The following PAM variants were observed in gnomAD, a reference collection of about 807,000 sequenced individuals.
PAM encodes the protein peptidylglycine alpha-amidating monooxygenase.
A neutral mutation model predicts 122.1 loss-of-function variants in PAM; 72 were observed. The ratio of observed to expected loss-of-function variants is 0.59; its 90% CI spans 0.49 to 0.72. PAM has a LOEUF of 0.72. Among genes scored for constraint, PAM ranks in the 30% least tolerant of loss-of-function variants. PAM has a pLI of 0.00. For missense variants in PAM, 1,106 were observed against 1,183.7 expected, an observed-to-expected ratio of 0.93 and a Z score of 0.96; for synonymous variants, 389 against 404.4, an observed-to-expected ratio of 0.96 and a Z score of 0.46.
chr5:102,907,718 G>A (rs1800009165), intron 4 of PAM, among the ~76,000 whole-genome samples: 1 of 151,964 alleles, frequency 6.6e-6, no homozygotes, highest in Non-Finnish European at 1.5e-5. Context: ...TTCTCTGATG[G>A]CCAGTGATGA....
At chr5:102,946,922 T>TTG (rs1457108296) in intron 8 of PAM, 37 bp downstream of exon 8, 1 of 1,393,890 alleles carries the variant, frequency 7.2e-7, no homozygotes, top group Admixed American at 1.7e-5. Flanking sequence ...AGCAGCAACT[T>TTG]TAACATCTTT....
chr5:102,811,455 C>T (rs372123909), intron 1 of PAM, among the ~76,000 whole-genome samples: 1 of 152,170 alleles, frequency 6.6e-6, no homozygotes, highest in East Asian at 1.9e-4. Flanking sequence ...TTCTCTGCAG[C>T]CAGGAAATTT....
intron 1 of PAM, among the ~76,000 whole-genome samples, chr5:102,763,350 C>A (rs1161884660): frequency 2.0e-5 from 3 of 152,106 alleles, no homozygotes; most frequent in Non-Finnish European, 4.4e-5. Context: ...ACTTATTCAA[C>A]AAATATTCAT....
Position 102,860,448 on chromosome 5 carries a change from C to T in PAM, c.-373-5375C>T, listed in dbSNP as rs931930720. On this transcript the variant is annotated intron_variant, in intron 1 of 25. Coordinates refer to ENST00000438793, the MANE Select transcript of PAM (RefSeq NM_001177306.2). ...GTCAAAGGCTAGCACTTTGGAAGGG[C>T]GAGGTGGGGGAATAGCTTGTGTCCA... is the stretch of plus-strand genomic sequence containing the variant. Among the ~76,000 whole-genome samples the T allele has an allele frequency of 7.9e-5, 12 of 152,058 alleles. No homozygotes were observed. In the South Asian group the frequency reaches 1.5e-3, roughly 18 times the overall value.
chr5:102,912,218 G>A (rs538035547), intron 4 of PAM, among the ~76,000 whole-genome samples: 21 of 152,076 alleles, frequency 1.4e-4, no homozygotes, highest in African/African-American at 5.1e-4. Context: ...AGGAAGTCAT[G>A]TAATCATCTA....
rs138671118 is a variant in PAM, at chr5:102,814,523, C to A, written c.-373-51300C>A. 8.5e-3 allele frequency among the ~76,000 whole-genome samples: 1,215 copies of A among 142,974 alleles called. 31 individuals carry two copies. The highest frequency in any genetic ancestry group is 0.03 in the African/African-American group (1,150 of 38,908). The allele number at this position is 142,974 out of a possible 152,430, so 93.8% of individuals were successfully genotyped here. A position where few individuals can be genotyped will look rare whatever the true frequency, so the allele number is the denominator to read the frequency against. The stretch of plus-strand genomic sequence containing the variant: ...CGTCTCTCTCTCTCTCTCTCCCTCT[C>A]TCTATATATACATATATATTGATAT... On this transcript the variant is annotated intron_variant, in intron 1 of 25. Coordinates refer to ENST00000438793, the MANE Select transcript of PAM (RefSeq NM_001177306.2).
At chr5:102,949,339 A>G (rs1414293694) in intron 9 of PAM, among the ~76,000 whole-genome samples, 198 bp from the exon 10 acceptor site, 1 of 147,522 alleles carries the variant, frequency 6.8e-6, no homozygotes, top group Non-Finnish European at 1.5e-5. Flanking sequence ...GAATAAAATA[A>G]AAATATAAGG....
intron 5 of PAM, among the ~76,000 whole-genome samples, chr5:102,915,120 C>T (rs1480292197): frequency 6.6e-6 from 1 of 151,942 alleles, no homozygotes; most frequent in East Asian, 1.9e-4. Flanking sequence ...TCACGTAGAC[C>T]CAGAATCACT....
intron 1 of PAM, among the ~76,000 whole-genome samples, chr5:102,766,667 G>T (rs1754038340): frequency 6.6e-6 from 1 of 152,122 alleles, no homozygotes; most frequent in South Asian, 2.1e-4. Flanking sequence ...CTTGATAAAA[G>T]TTGCATGTGA....
chr5:102,984,909 G>A (rs1771242871), intron 15 of PAM, among the ~76,000 whole-genome samples: 2 of 151,620 alleles, frequency 1.3e-5, no homozygotes, highest in South Asian at 4.2e-4. Context: ...GAAAAAACTA[G>A]AATTCAATAA....
intron 1 of PAM, among the ~76,000 whole-genome samples, chr5:102,776,604 A>G (rs1315958107): frequency 6.6e-6 from 1 of 152,100 alleles, no homozygotes. Flanking sequence ...CACTTTCCCC[A>G]TTGTTGTTTT....
intron 5 of PAM, among the ~76,000 whole-genome samples, chr5:102,915,846 A>G (rs1324930612): frequency 6.6e-6 from 1 of 152,150 alleles, no homozygotes; most frequent in Non-Finnish European, 1.5e-5. Context: ...TTAAGGGAAT[A>G]AAACAAAAAC....
intron 5 of PAM, among the ~76,000 whole-genome samples, chr5:102,917,177 C>T (rs1561877719): frequency 2.6e-5 from 4 of 152,176 alleles, no homozygotes. Flanking sequence ...CTTTCACTCC[C>T]CACCCCCAGT....
intron 1 of PAM, among the ~76,000 whole-genome samples, chr5:102,798,827 T>C (rs1763994363): frequency 6.6e-6 from 1 of 152,150 alleles, no homozygotes; most frequent in Non-Finnish European, 1.5e-5. Context: ...AGAAGGTAAT[T>C]CTGGATTTAA....
chr5:102,788,828 G>A (rs76363460), intron 1 of PAM, among the ~76,000 whole-genome samples: 1 of 152,108 alleles, frequency 6.6e-6, no homozygotes, highest in East Asian at 1.9e-4. Context: ...TAACAAAGTT[G>A]TGAGTGTTGT....
At chr5:102,945,804 A>G (rs1039786300) in intron 7 of PAM, among the ~76,000 whole-genome samples, 3 of 152,136 alleles carry the variant, frequency 2.0e-5, no homozygotes, top group Non-Finnish European at 4.4e-5. Flanking sequence ...CATTTTATGT[A>G]GTAAAATATT....
intron 8 of PAM, among the ~76,000 whole-genome samples, chr5:102,947,327 G>A (rs566182836): frequency 5.9e-5 from 9 of 152,286 alleles, no homozygotes; most frequent in Non-Finnish European, 1.3e-4. Context: ...ATGCAAGATG[G>A]AAGCCAGAGT....
At chr5:103,029,942 G>T (rs1263706071), downstream of PAM, 2 of 152,062 alleles carry the variant, frequency 1.3e-5, no homozygotes, top group Non-Finnish European at 2.9e-5. Flanking sequence ...TCCAAAGAGG[G>T]TTTTTGCCTA....
At chr5:102,760,074 G>A (rs1174829708) in intron 1 of PAM, among the ~76,000 whole-genome samples, 1 of 152,178 alleles carries the variant, frequency 6.6e-6, no homozygotes, top group Non-Finnish European at 1.5e-5. Context: ...TGTGAGCAAA[G>A]GCATTTACTG....
Sources: allele counts gnomAD v4.1 joint callset (sites outside exome capture counted in the v4.1 genomes callset), GRCh38; gene constraint gnomAD v4.1.1; transcripts MANE v1.5; gene names NCBI Gene and HGNC (gene_info 2026-07-23, HGNC 2026-07-21).